SLC2A9: variants seen among roughly 807,000 people sequenced by gnomAD.
SLC2A9 encodes the protein solute carrier family 2, facilitated glucose transporter member 9.
In SLC2A9, 39 loss-of-function variants were observed where a neutral mutation model predicts 50.6. That is an observed-to-expected ratio of 0.77 (90% CI 0.60 to 1.01). The LOEUF (loss-of-function observed/expected upper bound fraction) is 1.01, where lower values mean the gene tolerates loss of function less well. Ranked by LOEUF, SLC2A9 falls within the 50% of genes least tolerant of loss-of-function variation. SLC2A9 has a pLI of 0.00. For missense variants in SLC2A9, 686 were observed against 677.6 expected (o/e 1.01, Z -0.14); for synonymous variants, 324 against 276.9 (o/e 1.17, Z -1.69).
intron 10 of SLC2A9, among the ~76,000 whole-genome samples, chr4:9,868,692 C>A (rs1413316043): frequency 6.6e-6 from 1 of 152,158 alleles, no homozygotes; most frequent in African/African-American, 2.4e-5. Context: ...CCCCAGGAAC[C>A]CCCATACCTG....
intron 5 of SLC2A9, among the ~76,000 whole-genome samples, chr4:9,967,607 AT>A (rs1301190266): frequency 6.6e-6 from 1 of 151,972 alleles, no homozygotes; most frequent in Admixed American, 6.5e-5. Flanking sequence ...TTAAAAGGTT[AT>A]TAAAAGTTGT....
At chr4:9,802,856 G>A (rs753943696) in intron 3 of SLC2A9, among the ~76,000 whole-genome samples, 4 of 152,136 alleles carry the variant, frequency 2.6e-5, no homozygotes, top group Non-Finnish European at 2.9e-5. Context: ...GAGCCACAGC[G>A]CCCGGCTGGG....
chr4:9,800,978 T>C (rs1721326223), intron 3 of SLC2A9, among the ~76,000 whole-genome samples: 1 of 152,114 alleles, frequency 6.6e-6, no homozygotes, highest in Non-Finnish European at 1.5e-5. Context: ...GTCTGCCAGG[T>C]TCTTCTCATG....
At chr4:9,788,175 T>A (rs979586514) in intron 3 of SLC2A9, among the ~76,000 whole-genome samples, 1 of 152,104 alleles carries the variant, frequency 6.6e-6, no homozygotes, top group Non-Finnish European at 1.5e-5. Flanking sequence ...CAGCATAGAA[T>A]CTTGGTTTTT....
chr4:9,932,225 C>T (rs1162297332), intron 6 of SLC2A9, among the ~76,000 whole-genome samples: 1 of 151,800 alleles, frequency 6.6e-6, no homozygotes, highest in Non-Finnish European at 1.5e-5. Flanking sequence ...ATAAACACCT[C>T]CAAGAATGTA....
chr4:10,022,877 T>C (rs1483459678), upstream of SLC2A9, among the ~76,000 whole-genome samples: 1 of 151,888 alleles, frequency 6.6e-6, no homozygotes, highest in African/African-American at 2.4e-5. Context: ...CCTCAGGAGT[T>C]AGGTTGGGGA....
intron 3 of SLC2A9, among the ~76,000 whole-genome samples, chr4:9,986,729 C>T (rs1756788781): frequency 6.6e-6 from 1 of 152,092 alleles, no homozygotes; most frequent in African/African-American, 2.4e-5. Context: ...TCCTCTCAAA[C>T]AAGATTAGGG....
chr4:9,925,809 A>T (rs1744787968), intron 6 of SLC2A9, among the ~76,000 whole-genome samples: 1 of 152,190 alleles, frequency 6.6e-6, no homozygotes, highest in East Asian at 1.9e-4. Context: ...CTGAGCAAAC[A>T]GGAACAGAGG....
chr4:9,980,768 G>A lies in SLC2A9; in HGVS notation c.536-31C>T, dbSNP rs778727240. ...GAGAGAAAGCATAGCAGCAGTTAGA[G>A]AGGTGTCTTCCCGGGGGAGCTGCAC... On this transcript the variant is annotated intron_variant, in intron 4 of 11. Coordinates refer to ENST00000264784, the MANE Select transcript of SLC2A9 (RefSeq NM_020041.3). 5 of 1,614,164 alleles carry A rather than the reference G, an allele frequency of 3.1e-6. No individual in the cohort carries two copies. The South Asian group carries it at 5.5e-5, about 18-fold the overall frequency.
intron 8 of SLC2A9, among the ~76,000 whole-genome samples, chr4:9,893,281 G>A (rs765208021): frequency 3.9e-5 from 6 of 152,046 alleles, no homozygotes; most frequent in Non-Finnish European, 7.4e-5. Context: ...TGAAGGCTAG[G>A]AGCCTTCATC....
chr4:9,895,313 G>A (rs989468090), intron 8 of SLC2A9, among the ~76,000 whole-genome samples: 1 of 152,188 alleles, frequency 6.6e-6, no homozygotes, highest in Non-Finnish European at 1.5e-5. Flanking sequence ...AGAAAGAAGG[G>A]ATAAAAACAA....
chr4:9,882,854 A>G (rs112037360), intron 10 of SLC2A9, among the ~76,000 whole-genome samples: 9 of 152,290 alleles, frequency 5.9e-5, no homozygotes, highest in African/African-American at 2.2e-4. Context: ...TTCCTACCCC[A>G]ACCTCATGAT....
At chr4:9,829,136 G>C (rs1725612435) in intron 11 of SLC2A9, among the ~76,000 whole-genome samples, 1 of 152,152 alleles carries the variant, frequency 6.6e-6, no homozygotes, top group Non-Finnish European at 1.5e-5. Context: ...GAGCACAGTA[G>C]CTCACACCTG....
chr4:9,858,711 G>C, intron 10 of SLC2A9, among the ~76,000 whole-genome samples: 1 of 152,170 alleles, frequency 6.6e-6, no homozygotes, highest in East Asian at 1.9e-4. Context: ...TGGAATGATG[G>C]TTAATATTGA....
At chr4:10,027,947 A>G (rs566965838) in intron 1 of SLC2A9, among the ~76,000 whole-genome samples, 1 of 152,208 alleles carries the variant, frequency 6.6e-6, no homozygotes, top group South Asian at 2.1e-4. Flanking sequence ...TATTTCTTCC[A>G]TCTGTTGTAT....
chr4:9,926,626 G>C (rs1744952742), intron 6 of SLC2A9, among the ~76,000 whole-genome samples: 1 of 151,860 alleles, frequency 6.6e-6, no homozygotes, highest in African/African-American at 2.4e-5. Flanking sequence ...CTGGCAGAGG[G>C]TACAAAATGC....
chr4:10,008,858 A>G (rs1761246303), intron 2 of SLC2A9, among the ~76,000 whole-genome samples: 1 of 150,262 alleles, frequency 6.7e-6, no homozygotes, highest in South Asian at 2.1e-4. Flanking sequence ...TCACAGAAGA[A>G]TGTTTGTATG....
intron 3 of SLC2A9, among the ~76,000 whole-genome samples, chr4:9,821,210 G>A (rs1724354015): frequency 6.6e-6 from 1 of 152,140 alleles, no homozygotes. Context: ...CCCTCAGTCA[G>A]TTAATATGGG....
At chr4:9,899,245 T>C (rs1214543858) in intron 8 of SLC2A9, among the ~76,000 whole-genome samples, 1 of 152,218 alleles carries the variant, frequency 6.6e-6, no homozygotes, top group East Asian at 1.9e-4. Context: ...AATTGGTGAC[T>C]TTCTAGTCAG....
Sources: gnomAD v4.1 joint callset for allele counts (sites outside exome capture counted in the v4.1 genomes callset) on GRCh38, gnomAD v4.1.1 for gene constraint, MANE v1.5 for transcripts, NCBI Gene and HGNC (gene_info 2026-07-23, HGNC 2026-07-21) for gene names.